Variants in SPTB observed in about 807,000 individuals in gnomAD.
The protein encoded by SPTB is spectrin beta chain, erythrocytic.
A neutral mutation model predicts 256.2 loss-of-function variants in SPTB; 45 were observed. That is an observed-to-expected ratio of 0.18 (90% CI 0.14 to 0.23). The LOEUF (loss-of-function observed/expected upper bound fraction) is 0.23. Among genes scored for constraint, SPTB ranks in the 10% least tolerant of loss-of-function variants. SPTB has a pLI of 1.00. For synonymous variants in SPTB, 1,231 were observed against 1,243.1 expected (o/e 0.99, Z 0.21); for missense variants, 2,715 against 3,040.4 (o/e 0.89, Z 2.52).
intron 2 of SPTB, among the ~76,000 whole-genome samples, chr14:64,818,353 C>T (rs1474992806): frequency 6.6e-6 from 1 of 152,138 alleles, no homozygotes; most frequent in African/African-American, 2.4e-5. Flanking sequence ...CAGCGGGCGG[C>T]ACATGGGATG....
In SPTB at chr14:64,853,251, T is replaced by C. The variant is rs2083814690; in HGVS notation, c.-52+26541A>G. On this transcript the variant is annotated intron_variant, in intron 1 of 35. Transcript: ENST00000644917. The surrounding 1 kb of genome is among the most constrained non-coding windows in gnomAD (Gnocchi z 4.3). Reference sequence around the variant, plus strand: ...TGGAGACCAGAGAAATTTAGAGTCATTATCAGTAAATAGGTGGTAGCAGGA... The same window carrying C: ...TGGAGACCAGAGAAATTTAGAGTCACTATCAGTAAATAGGTGGTAGCAGGA... Among the ~76,000 whole-genome samples, 1 of 152,118 alleles carries C rather than the reference T, an allele frequency of 6.6e-6. No homozygotes were observed. Among genetic ancestry groups the C allele is most frequent in the Admixed American group, 6.5e-5 (1 of 15,278 alleles).
In SPTB at chr14:64,772,786, G is replaced by A. The variant is rs760464511; in HGVS notation, c.5347C>T (p.Leu1783=). ...TGCATGCGCGTGTCAATGAGCTCCA[G>A]GAGGTCTGCCCACATCTCGTTCAGC... ...DGLNEMWADL[L]ELIDTRMQLL... Residue 1783 remains leucine (L), a synonymous_variant, in exon 26 of 36, where the codon CTG becomes TTG. Transcript: ENST00000644917. The surrounding 1 kb of genome is among the most constrained non-coding windows in gnomAD (Gnocchi z 5.4). 1.9e-6 allele frequency: 3 copies of A among 1,614,014 alleles called. No homozygotes were observed. In the South Asian group the frequency reaches 3.3e-5, roughly 18 times the overall value.
Position 64,794,490 on chromosome 14 carries a change from G to A in SPTB, c.1772C>T (p.Thr591Ile). The A allele has an allele frequency of 1.2e-6, 2 of 1,614,202 alleles. No individual in the cohort carries two copies. Among genetic ancestry groups the A allele is most frequent in the Non-Finnish European group, 1.7e-6 (2 of 1,180,052 alleles). The stretch of plus-strand genomic sequence containing the variant: ...ACCTTTCCCCTCGGTGAACTTCAGG[G>A]TGGCTGCGGTGATGGCCTTCACTTT... ...GDKVKAITAA[T>I]LKFTEGKGYQ... The change falls in exon 13 of 36, where the codon ACC becomes ATC. Residue 591 changes from threonine (T) to isoleucine (I), a missense_variant. Around this residue, in one of 4 missense-constraint regions of SPTB, gnomAD observed 2,239 missense variants for 2,384.4 expected, o/e 0.94. Coordinates refer to ENST00000644917, the MANE Select transcript of SPTB (RefSeq NM_001355436.2).
intron 2 of SPTB, among the ~76,000 whole-genome samples, chr14:64,809,262 CAA>C (rs57245539): frequency 3.7e-4 from 34 of 91,026 alleles, no homozygotes; most frequent in Admixed American, 1.7e-3. Context: ...AACTTTGTAT[CAA>C]AAAAAAAAAA....
chr14:64,782,924 T>A (rs2082497439), intron 19 of SPTB, among the ~76,000 whole-genome samples: 1 of 151,248 alleles, frequency 6.6e-6, no homozygotes, highest in South Asian at 2.1e-4. Flanking sequence ...TAGGGGAAGC[T>A]GGGCAGGGAG....
At chr14:64,875,078 G>C (rs60454817) in intron 1 of SPTB, among the ~76,000 whole-genome samples, 10,226 of 152,212 alleles carry the variant, frequency 0.067, 1,223 homozygotes, top group African/African-American at 0.23. Flanking sequence ...CCTCAGCCAG[G>C]TCTGCACAGG....
intron 2 of SPTB, among the ~76,000 whole-genome samples, chr14:64,809,198 G>T (rs1279946184): frequency 6.9e-6 from 1 of 143,894 alleles, no homozygotes; most frequent in Non-Finnish European, 1.5e-5. Context: ...GGAGGCAGAG[G>T]TTGCAGTGAG....
intron 4 of SPTB, among the ~76,000 whole-genome samples, chr14:64,803,037 C>T (rs2082916052): frequency 6.6e-6 from 1 of 152,142 alleles, no homozygotes; most frequent in Non-Finnish European, 1.5e-5. Flanking sequence ...TGCGGGGCCA[C>T]TTGGTTGAGG....
chr14:64,786,344 T>C lies in SPTB; in HGVS notation c.3561+60A>G. The C allele has an allele frequency of 1.3e-6, 2 of 1,599,548 alleles. No individual in the cohort carries two copies. The highest frequency in any genetic ancestry group is 1.1e-5 in the South Asian group (1 of 90,664). On this transcript the variant is annotated intron_variant, in intron 16 of 35. Coordinates refer to ENST00000644917, the MANE Select transcript of SPTB (RefSeq NM_001355436.2). This position sits in a 1 kb window ranked among gnomAD's most constrained non-coding sequence, Gnocchi z 5.6. ...TGAGTCTTACAGCACATTTGTGGAC[T>C]CACCACAAGAGCTACTGCCCTGAGA...
At chr14:64,846,467 C>T (rs145083073) in intron 1 of SPTB, among the ~76,000 whole-genome samples, 1 of 152,218 alleles carries the variant, frequency 6.6e-6, no homozygotes, top group African/African-American at 2.4e-5. Flanking sequence ...CACCTAGGTG[C>T]CTGAAAGGGC....
chr14:64,774,517 C>G lies in SPTB; in HGVS notation c.4853G>C (p.Gly1618Ala). ...ISDEIPKDEE[G>A]AIVMLKRHLR... ...ATGTCGCTTCAGCATCACAATGGCG[C>G]CCTCTTCATCCTAGGAGGCAGCAGA... Residue 1618 changes from glycine (G) to alanine (A), a missense_variant, in exon 24 of 36, where the codon GGC becomes GCC. By Grantham distance (60) the Gly-to-Ala change is moderately conservative. This residue lies in a region of SPTB where 2,239 missense variants were observed against 2,384.4 expected (regional missense o/e 0.94). Coordinates refer to ENST00000644917, the MANE Select transcript of SPTB (RefSeq NM_001355436.2). 2 of 1,553,476 alleles carry G rather than the reference C, an allele frequency of 1.3e-6. No homozygotes were observed. The highest frequency in any genetic ancestry group is 1.7e-6 in the Non-Finnish European group (2 of 1,148,138).
Position 64,753,578 on chromosome 14 carries a change from G to A in SPTB, c.6561C>T (p.Arg2187=), listed in dbSNP as rs759442638. 5.6e-6 allele frequency: 9 copies of A among 1,613,568 alleles called. No homozygotes were observed. The highest frequency in any genetic ancestry group is 7.6e-6 in the Non-Finnish European group (9 of 1,180,016). ...TGTTGGGCCCCTCCAGGTCATGCTTGCGGCCCAGGTAGCCTTCCATCTGCA... is the reference window on the plus strand; with the variant it reads ...TGTTGGGCCCCTCCAGGTCATGCTTACGGCCCAGGTAGCCTTCCATCTGCA... The part of the protein sequence containing the change: ...QSVQMEGYLG[R]KHDLEGPNKK... The change falls in exon 33 of 36, where the codon CGC becomes CGT. Residue 2187 remains arginine, a synonymous_variant. Coordinates refer to ENST00000644917, the MANE Select transcript of SPTB (RefSeq NM_001355436.2).
At chr14:64,791,927 C>G (rs2139588231) in intron 14 of SPTB, 71 bp from the exon 15 acceptor site, 2 of 1,595,972 alleles carry the variant, frequency 1.3e-6, no homozygotes, top group East Asian at 2.2e-5. Context: ...GTGGCACCCC[C>G]AGTCTCCAGA....
chr14:64,801,833 A>G lies in SPTB; in HGVS notation c.568T>C (p.Tyr190His). The change falls in exon 6 of 36, where the codon TAC becomes CAC. Residue 190 changes from tyrosine (Y) to histidine (H), a missense_variant and splice_region_variant. Transcript: ENST00000644917. ...AAGTTGGTGACATTAACATGAGGGT[A>G]GCTGCATCCAAGAGAAACAGTAAGA... is the stretch of plus-strand genomic sequence containing the variant. ...LLWCQMKTAGYPHVNVTNFTS... is the reference protein window; with the variant it reads ...LLWCQMKTAGHPHVNVTNFTS... 1 of 1,614,162 alleles carries G rather than the reference A, an allele frequency of 6.2e-7. No individual in the cohort carries two copies. The highest frequency in any genetic ancestry group is 8.5e-7 in the Non-Finnish European group (1 of 1,179,974).
At chr14:64,809,262 CAAAAAAAAA>C (rs57245539) in intron 2 of SPTB, among the ~76,000 whole-genome samples, 1 of 91,060 alleles carries the variant, frequency 1.1e-5, no homozygotes, top group Admixed American at 1.2e-4. Flanking sequence ...AACTTTGTAT[CAAAAAAAAA>C]AAAAAAAAAA....
intron 25 of SPTB, 38 bp downstream of exon 25, chr14:64,773,182 A>C (rs1467925111): frequency 2.5e-6 from 4 of 1,612,914 alleles, no homozygotes; most frequent in Non-Finnish European, 3.4e-6. Flanking sequence ...CTACCGCATT[A>C]GAGAAAGACA....
chr14:64,755,311 T>TA (rs1458807465), intron 32 of SPTB: 10 of 152,216 alleles, frequency 6.6e-5, no homozygotes, highest in Admixed American at 6.5e-4. Context: ...GCAGACTTTT[T>TA]ATCCACTGAA....
At chr14:64,865,042 T>G (rs1594856013) in intron 1 of SPTB, among the ~76,000 whole-genome samples, 1 of 152,108 alleles carries the variant, frequency 6.6e-6, no homozygotes, top group African/African-American at 2.4e-5. Flanking sequence ...TTGGAGTAGA[T>G]TTTATCTATA....
rs2082904689 is a variant in SPTB, at chr14:64,802,470, T to C, written c.475-153A>G. On this transcript the variant is annotated intron_variant, in intron 4 of 35. Transcript: ENST00000644917. The surrounding 1 kb of genome is among the most constrained non-coding windows in gnomAD (Gnocchi z 5.1). ...GTATAAATGGCGCTTGGGTTGGGTC[T>C]CCCTTCATGTGCCCTGCTCCCTGCA... 6.6e-6 allele frequency among the ~76,000 whole-genome samples: 1 copy of C among 152,126 alleles called. No individual in the cohort carries two copies. Among genetic ancestry groups the C allele is most frequent in the African/African-American group, 2.4e-5 (1 of 41,406 alleles).
Sources: gnomAD v4.1 joint callset for allele counts (sites outside exome capture counted in the v4.1 genomes callset) on GRCh38, gnomAD v4.1.1 for gene constraint, gnomAD v4.1.1 regional missense constraint, Gnocchi (gnomAD v3.1) non-coding constraint, MANE v1.5 for transcripts, NCBI Gene and HGNC (gene_info 2026-07-23, HGNC 2026-07-21) for gene names.